The following CFAP251 variants were observed in gnomAD, a reference collection of about 807,000 sequenced individuals.
The protein encoded by CFAP251 is cilia- and flagella-associated protein 251.
CFAP251 carries 93 observed loss-of-function variants against 126.7 expected under a neutral mutation model. That is an observed-to-expected ratio of 0.73 (90% CI 0.62 to 0.87). The LOEUF is 0.87. Among genes scored for constraint, CFAP251 ranks in the 40% least tolerant of loss-of-function variants. The probability of loss-of-function intolerance (pLI) is 0.00; values close to 1 mark genes in which losing one functional copy is unlikely to be tolerated. For missense variants in CFAP251, 1,287 were observed against 1,389.2 expected, an observed-to-expected ratio of 0.93 and a Z score of 1.17; for synonymous variants, 503 against 506.9, an observed-to-expected ratio of 0.99 and a Z score of 0.10.
intron 19 of CFAP251, chr12:121,992,502 T>A (rs1000166678): frequency 2.0e-6 from 2 of 985,126 alleles, no homozygotes; most frequent in African/African-American, 3.5e-5. Flanking sequence ...GTCGTCTTAG[T>A]CTCCTGTTCT....
chr12:122,003,755 T>A lies in CFAP251; in HGVS notation c.3441T>A (p.Asp1147Glu), dbSNP rs1486271816. 8.1e-6 allele frequency: 13 copies of A among 1,606,938 alleles called. No homozygotes were observed. The highest frequency in any genetic ancestry group is 1.1e-5 in the Non-Finnish European group (13 of 1,177,826). Reference protein sequence around the residue: ...GLTISEDSGQDGQ With the variant: ...GLTISEDSGQEGQ ...CCATTTCAGAAGATTCCGGCCAGGA[T>A]GGTCAGTGAAGTTACCAGGAATGTT... Residue 1147 changes from aspartate (D) to glutamate (E), a missense_variant, in exon 22 of 22, where the codon GAT (aspartate) becomes GAA (glutamate). Coordinates refer to ENST00000288912, the MANE Select transcript of CFAP251 (RefSeq NM_144668.6).
At chr12:121,937,266 C>T (rs1378774626) in intron 5 of CFAP251, among the ~76,000 whole-genome samples, 3 of 152,106 alleles carry the variant, frequency 2.0e-5, no homozygotes, top group South Asian at 2.1e-4. Context: ...GGCTTGTGGA[C>T]GCATCCCTCC....
At chr12:121,965,183 A>G (rs963347040) in intron 15 of CFAP251, among the ~76,000 whole-genome samples, 1 of 152,248 alleles carries the variant, frequency 6.6e-6, no homozygotes, top group Non-Finnish European at 1.5e-5. Flanking sequence ...GAAAAGGCCA[A>G]TAAACCTATG....
intron 20 of CFAP251, among the ~76,000 whole-genome samples, chr12:122,000,558 A>AG (rs1194569124): frequency 6.6e-6 from 1 of 151,880 alleles, no homozygotes; most frequent in Non-Finnish European, 1.5e-5. Flanking sequence ...AAAAAAAAAA[A>AG]AAAGAAAGAA....
At chr12:121,979,563 C>CTTTTTTTTTTTTTTTTTTTTTTT (rs71082922) in intron 19 of CFAP251, among the ~76,000 whole-genome samples, 2 of 84,978 alleles carry the variant, frequency 2.4e-5, no homozygotes, top group African/African-American at 4.2e-5. Flanking sequence ...CTTTCTTCTT[C>CTTTTTTTTTTTTTTTTTTTTTTT]TTTTTTTTTT....
chr12:122,003,034 T>C (rs1188019358), intron 21 of CFAP251, among the ~76,000 whole-genome samples: 4 of 152,176 alleles, frequency 2.6e-5, no homozygotes, highest in Non-Finnish European at 4.4e-5. Flanking sequence ...CCTTTCCTGA[T>C]TGTTATATAT....
At chr12:121,970,380 G>A (rs375024261) in intron 17 of CFAP251, among the ~76,000 whole-genome samples, 5 of 152,022 alleles carry the variant, frequency 3.3e-5, no homozygotes, top group Non-Finnish European at 2.9e-5. Context: ...ACCCCGATTC[G>A]AATCCTAGCT....
rs180698776 is a variant in CFAP251, at chr12:121,975,589, C to T, written c.2910C>T (p.Ile970=). ...FYYSQLRSQG[I]DTMETRKVSE... ...ATTCTCAGCTCCGCAGTCAAGGCAT[C>T]GACACAATGGAGACCAGAAAGGTGT... Residue 970 remains isoleucine (I), a synonymous_variant, in exon 19 of 22, where the codon ATC becomes ATT. Coordinates refer to ENST00000288912, the MANE Select transcript of CFAP251 (RefSeq NM_144668.6). 1.6e-3 allele frequency: 2,534 copies of T among 1,606,596 alleles called. 3 individuals carry two copies. Among genetic ancestry groups the T allele is most frequent in the Non-Finnish European group, 1.9e-3 (2,280 of 1,178,210 alleles).
In CFAP251 at chr12:122,000,124, G is replaced by A. The variant is rs573477732; in HGVS notation, c.3235+180G>A. Among the ~76,000 whole-genome samples the A allele has an allele frequency of 2.0e-5, 3 of 152,314 alleles. No homozygotes were observed. In the South Asian group the frequency reaches 6.2e-4, roughly 32 times the overall value. On this transcript the variant is annotated intron_variant, in intron 20 of 21. Transcript: ENST00000288912. ...CATCCCTGGCAAGTACGAAGTAATG[G>A]GAGGGACCCGGAGCTAGAAAGCAAA...
chr12:121,953,514 G>A (rs962595484), intron 9 of CFAP251: 4 of 152,266 alleles, frequency 2.6e-5, no homozygotes, highest in African/African-American at 9.6e-5. Flanking sequence ...TGAGCCATTT[G>A]AAATGATAAA....
At chr12:121,963,490 C>T (rs984501190) in intron 15 of CFAP251, among the ~76,000 whole-genome samples, 15 of 151,324 alleles carry the variant, frequency 9.9e-5, no homozygotes, top group African/African-American at 2.9e-4. Flanking sequence ...GTTGAAGGCA[C>T]GAGACGGGGA....
Position 121,999,688 on chromosome 12 carries a change from C to CT in CFAP251, c.3007-18dup, listed in dbSNP as rs747144792. ...TGGTGCCTTTTCTATTTACTGTGGT[C>CT]TTTTTTTTTTCCCCATCTTTCCCCT... is the stretch of plus-strand genomic sequence containing the variant. On this transcript the variant is annotated intron_variant, in intron 19 of 21. Transcript: ENST00000288912. 9,242 of 1,326,876 alleles carry CT rather than the reference C, an allele frequency of 7.0e-3. 1 individual carries two copies. The highest frequency in any genetic ancestry group is 7.8e-3 in the Non-Finnish European group (7,564 of 969,336). 82.2% of individuals were successfully genotyped at this position (1,326,876 alleles called of 1,614,324 possible). A position where few individuals can be genotyped will look rare whatever the true frequency, so the allele number is the denominator to read the frequency against.
chr12:121,971,505 G>T, intron 17 of CFAP251: 1 of 701,842 alleles, frequency 1.4e-6, no homozygotes. Flanking sequence ...TTTTCTCAGG[G>T]CCGGGGCCTG....
In CFAP251 at chr12:121,928,683, TATATACGTATATATATATA is replaced by T. The variant is rs1485386322; in HGVS notation, c.748-3062_748-3044del. On this transcript the variant is annotated intron_variant, in intron 3 of 21. Coordinates refer to ENST00000288912, the MANE Select transcript of CFAP251 (RefSeq NM_144668.6). ...GTATATATATACGTATATATATATA[TATATACGTATATATATATA>T]TATTTTTTTTTTGAGACAGGGTCTT... Among the ~76,000 whole-genome samples the T allele has an allele frequency of 2.2e-3, 89 of 39,846 alleles. 6 individuals carry two copies. Among genetic ancestry groups the T allele is most frequent in the African/African-American group, 4.8e-3 (81 of 16,970 alleles). The allele number at this position is 39,846 out of a possible 152,430, so 26.1% of individuals were successfully genotyped here. A position where few individuals can be genotyped will look rare whatever the true frequency, so the allele number is the denominator to read the frequency against.
At chr12:121,958,229 C>G in intron 11 of CFAP251, 43 bp from the exon 12 acceptor site, 1 of 1,604,642 alleles carries the variant, frequency 6.2e-7, no homozygotes, top group Non-Finnish European at 8.5e-7. Flanking sequence ...ATGCCCCATT[C>G]CCTGCAAACA....
intron 19 of CFAP251, chr12:121,997,923 G>C (rs879483675): frequency 1.3e-5 from 2 of 151,180 alleles, no homozygotes; most frequent in African/African-American, 4.9e-5. Flanking sequence ...GGCTAATTTC[G>C]TATTTTTAGT....
chr12:121,922,864 A>G (rs1034256118), intron 2 of CFAP251, among the ~76,000 whole-genome samples: 2 of 152,028 alleles, frequency 1.3e-5, no homozygotes, highest in Non-Finnish European at 2.9e-5. Context: ...ATCTTGGCTC[A>G]CTGCAAGCTC....
intron 21 of CFAP251, 56 bp from the exon 22 acceptor site, chr12:122,003,596 A>G (rs1883193318): frequency 6.8e-7 from 1 of 1,461,828 alleles, no homozygotes; most frequent in Non-Finnish European, 9.5e-7. Flanking sequence ...CACCCAAAAA[A>G]GAAAGAAACA....
At chr12:121,946,488 T>G (rs1881330634) in intron 7 of CFAP251, among the ~76,000 whole-genome samples, 1 of 152,248 alleles carries the variant, frequency 6.6e-6, no homozygotes, top group South Asian at 2.1e-4. Flanking sequence ...CCATTTCTGT[T>G]GAAAAGTCAG....
Sources: allele counts gnomAD v4.1 joint callset (sites outside exome capture counted in the v4.1 genomes callset), GRCh38; gene constraint gnomAD v4.1.1; transcripts MANE v1.5; gene names NCBI Gene and HGNC (gene_info 2026-07-23, HGNC 2026-07-21).